DNAH1: variants seen among roughly 807,000 people sequenced by gnomAD.
The protein encoded by DNAH1 is dynein axonemal heavy chain 1, also known as axonemal beta dynein heavy chain 1.
DNAH1 carries 327 observed loss-of-function variants against 484.3 expected under a neutral mutation model. That is an observed-to-expected ratio of 0.68 (90% CI 0.62 to 0.74). The LOEUF is 0.74. Ranked by LOEUF, DNAH1 falls within the 30% of genes least tolerant of loss-of-function variation. The pLI is 0.00. For synonymous variants in DNAH1, 2,192 were observed against 2,191.9 expected (o/e 1.00, Z 0.00); for missense variants, 5,052 against 5,546.8 (o/e 0.91, Z 2.83).
rs376220542 is a variant in DNAH1, at chr3:52,330,865, A to G, written c.872-283A>G. On this transcript the variant is annotated intron_variant, in intron 6 of 77. Coordinates refer to ENST00000420323, the MANE Select transcript of DNAH1 (RefSeq NM_015512.5). ...TTCGTGCCACCTGTCCCAGCCTCCCATTGGCCTGTGTGTCTCTCTGCCCTG... is the reference window on the plus strand; with the variant it reads ...TTCGTGCCACCTGTCCCAGCCTCCCGTTGGCCTGTGTGTCTCTCTGCCCTG... Among the ~76,000 whole-genome samples, 11 of 152,258 alleles carry G rather than the reference A, an allele frequency of 7.2e-5. No individual in the cohort carries two copies. The East Asian group carries it at 9.7e-4, about 13-fold the overall frequency.
chr3:52,357,560 T>G, intron 22 of DNAH1, 54 bp from the exon 23 acceptor site: 1 of 1,570,416 alleles, frequency 6.4e-7, no homozygotes. Context: ...GAGCCTATCT[T>G]GCTACCTGGA....
At chr3:52,321,366 T>G (rs1460056811) in intron 1 of DNAH1, among the ~76,000 whole-genome samples, 5 of 152,230 alleles carry the variant, frequency 3.3e-5, no homozygotes, top group Non-Finnish European at 7.3e-5. Flanking sequence ...TCCACCCGCC[T>G]CGGCCTCCCA....
Position 52,323,914 on chromosome 3 carries a change from C to T in DNAH1, c.406+34C>T, listed in dbSNP as rs200708313. 2.8e-5 allele frequency: 43 copies of T among 1,515,350 alleles called. No homozygotes were observed. The African/African-American group carries it at 4.4e-4, about 16-fold the overall frequency. 93.9% of individuals were successfully genotyped at this position (1,515,350 alleles called of 1,614,324 possible). On this transcript the variant is annotated intron_variant, in intron 3 of 77. Transcript: ENST00000420323. ...TCAGGAGGGCTGTGTGAGTGGGTCC[C>T]GGTAGGTATTTCAAAGCAGGCTTTT...
At chr3:52,374,474 A>T in intron 44 of DNAH1, 1 of 1,400,886 alleles carries the variant, frequency 7.1e-7, no homozygotes, top group Non-Finnish European at 1.0e-6. Context: ...TAATGTTCTT[A>T]AACAAATTAG....
chr3:52,316,865 T>C (rs1030989809), intron 1 of DNAH1, among the ~76,000 whole-genome samples: 1 of 152,220 alleles, frequency 6.6e-6, no homozygotes, highest in African/African-American at 2.4e-5. Context: ...TTTCCCCATC[T>C]GTGAAATGGG....
In DNAH1 at chr3:52,368,715, C is replaced by T. The variant is rs1222439659; in HGVS notation, c.5766-26C>T. ...CGAAGCACCGCCTCCCTGATGTTTC[C>T]AGCCCTCTCCTCCCTGGCGCTGCAG... is the stretch of plus-strand genomic sequence containing the variant. On this transcript the variant is annotated intron_variant, in intron 36 of 77. Transcript: ENST00000420323. This position sits in a 1 kb window ranked among gnomAD's most constrained non-coding sequence, Gnocchi z 4.4. The T allele has an allele frequency of 1.3e-5, 21 of 1,602,844 alleles. No individual in the cohort carries two copies. In the East Asian group the frequency reaches 4.5e-4, roughly 34 times the overall value.
At position 52,383,380 on chromosome 3, in the gene DNAH1, C is replaced by G; in HGVS notation, c.7942-6C>G. The G allele has an allele frequency of 6.2e-7, 1 of 1,613,400 alleles. No homozygotes were observed. Among genetic ancestry groups the G allele is most frequent in the Non-Finnish European group, 8.5e-7 (1 of 1,179,588 alleles). ...CTTAGCTCCCCACTCCTTCACCCCTCCCCAGATCAAGAACGAATCCTTCCT... is the reference window on the plus strand; with the variant it reads ...CTTAGCTCCCCACTCCTTCACCCCTGCCCAGATCAAGAACGAATCCTTCCT... On this transcript the variant is annotated splice_polypyrimidine_tract_variant and splice_region_variant and intron_variant, in intron 50 of 77. Coordinates refer to ENST00000420323, the MANE Select transcript of DNAH1 (RefSeq NM_015512.5).
chr3:52,357,590 C>T, intron 22 of DNAH1, 24 bp from the exon 23 acceptor site: 1 of 1,592,438 alleles, frequency 6.3e-7, no homozygotes, highest in Non-Finnish European at 8.6e-7. Context: ...CTGCCCATTT[C>T]TGTGCATGGC....
chr3:52,368,652 C>A lies in DNAH1; in HGVS notation c.5766-89C>A. On this transcript the variant is annotated intron_variant, in intron 36 of 77. Transcript: ENST00000420323. The surrounding 1 kb of genome is among the most constrained non-coding windows in gnomAD (Gnocchi z 4.4). ...AGATTGAAGGAAAGTAGAGCCCGCC[C>A]ACCCGGCGGCCAGGCTTCCCTGGGA... The A allele has an allele frequency of 7.2e-7, 1 of 1,393,342 alleles. No homozygotes were observed. The allele number at this position is 1,393,342 out of a possible 1,614,324, so 86.3% of individuals were successfully genotyped here.
Position 52,395,645 on chromosome 3 carries a change from A to C in DNAH1, c.11226A>C (p.Leu3742=). Residue 3742 remains leucine, a synonymous_variant, in exon 70 of 78, where the codon CTA becomes CTC. Coordinates refer to ENST00000420323, the MANE Select transcript of DNAH1 (RefSeq NM_015512.5). This position sits in a 1 kb window ranked among gnomAD's most constrained non-coding sequence, Gnocchi z 4.4. The part of the protein sequence containing the change: ...CHLAPSWMPA[L]ERLIEHINPD... ...TGGCACCAAGCTGGATGCCAGCCCT[A>C]GAACGCCTCATCGAGCACATCAACC... The C allele has an allele frequency of 6.2e-7, 1 of 1,613,872 alleles. No individual in the cohort carries two copies. The highest frequency in any genetic ancestry group is 8.5e-7 in the Non-Finnish European group (1 of 1,179,896).
chr3:52,364,655 G>T lies in DNAH1; in HGVS notation c.5262G>T (p.Gly1754=). The part of the protein sequence containing the change: ...QLSSQDHYDF[G]MRAVKTVISA... ...GGCGACAGGATCACTATGACTTCGGGATGAGAGCCGTGAAAACTGTGATCT... is the reference window on the plus strand; with the variant it reads ...GGCGACAGGATCACTATGACTTCGGTATGAGAGCCGTGAAAACTGTGATCT... The change falls in exon 33 of 78, where the codon GGG becomes GGT. Residue 1754 remains glycine (G), a synonymous_variant. Coordinates refer to ENST00000420323, the MANE Select transcript of DNAH1 (RefSeq NM_015512.5). This position sits in a 1 kb window ranked among gnomAD's most constrained non-coding sequence, Gnocchi z 4.2. 1 of 1,613,990 alleles carries T rather than the reference G, an allele frequency of 6.2e-7. No individual in the cohort carries two copies. Among genetic ancestry groups the T allele is most frequent in the Non-Finnish European group, 8.5e-7 (1 of 1,179,890 alleles).
At chr3:52,354,648 AAAG>A (rs1226244351) in intron 20 of DNAH1, among the ~76,000 whole-genome samples, 192 bp from the exon 21 acceptor site, 18 of 152,184 alleles carry the variant, frequency 1.2e-4, no homozygotes, top group African/African-American at 3.6e-4. Context: ...AAAAAAAAAA[AAAG>A]AGTGAATTGG....
At chr3:52,312,285 G>T (rs1173369406), upstream of DNAH1, among the ~76,000 whole-genome samples, 3 of 152,070 alleles carry the variant, frequency 2.0e-5, no homozygotes, top group Non-Finnish European at 4.4e-5. Context: ...GAGGGCTGAG[G>T]CCAGGTTGGG....
At chr3:52,321,107 T>C (rs1242298273) in intron 1 of DNAH1, among the ~76,000 whole-genome samples, 3 of 135,620 alleles carry the variant, frequency 2.2e-5, no homozygotes, top group Non-Finnish European at 4.6e-5. Context: ...GCCATTTCTT[T>C]CTTTTTTCTT....
rs1290501284 is a variant in DNAH1, at chr3:52,391,599, C to T, written c.10048C>T (p.Pro3350Ser). The T allele has an allele frequency of 2.5e-6, 4 of 1,613,640 alleles. No individual in the cohort carries two copies. Among genetic ancestry groups the T allele is most frequent in the East Asian group, 2.2e-5 (1 of 44,888 alleles). Residue 3350 changes from proline to serine, a missense_variant, in exon 63 of 78, where the codon CCC (proline) becomes TCC (serine). By Grantham distance (74) the Pro-to-Ser change is moderately conservative. Coordinates refer to ENST00000420323, the MANE Select transcript of DNAH1 (RefSeq NM_015512.5). ...KLTLINFTLSPSGLEDQLLGQ... is the reference protein window; with the variant it reads ...KLTLINFTLSSSGLEDQLLGQ... ...CACCCTCATCAACTTCACCCTGTCG[C>T]CCAGGTGAGCCCCCACTCTTGGGGA...
Position 52,379,759 on chromosome 3 carries a change from C to T in DNAH1, c.7378-146C>T, listed in dbSNP as rs1290482666. 3.4e-5 allele frequency: 24 copies of T among 713,240 alleles called. No individual in the cohort carries two copies. The highest frequency in any genetic ancestry group is 5.0e-5 in the Non-Finnish European group (22 of 439,120). 44.2% of individuals were successfully genotyped at this position (713,240 alleles called of 1,614,324 possible). A position where few individuals can be genotyped will look rare whatever the true frequency, so the allele number is the denominator to read the frequency against. ...AGCAGTTGCACTTGCCAGCAGCCCC[C>T]ACACACTGTCCCTGGGCCATGGTGG... On this transcript the variant is annotated intron_variant, in intron 47 of 77. Coordinates refer to ENST00000420323, the MANE Select transcript of DNAH1 (RefSeq NM_015512.5). This position sits in a 1 kb window ranked among gnomAD's most constrained non-coding sequence, Gnocchi z 4.4.
Position 52,353,230 on chromosome 3 carries a change from A to T in DNAH1, c.3155A>T (p.Gln1052Leu). ...NDPLSAIDAE[Q>L]LEKNVVEAFK... The stretch of plus-strand genomic sequence containing the variant: ...CCCCTCTCTGCCATCGATGCTGAGC[A>T]GCTGGAGAAGAACGTGGTTGAAGCC... The change falls in exon 19 of 78, where the codon CAG becomes CTG. Residue 1052 changes from glutamine to leucine, a missense_variant. Gln to Leu is a moderately radical substitution (Grantham distance 113). Around this residue, in one of 4 missense-constraint regions of DNAH1, gnomAD observed 2,929 missense variants for 3,409.4 expected, o/e 0.86. Transcript: ENST00000420323. This position sits in a 1 kb window ranked among gnomAD's most constrained non-coding sequence, Gnocchi z 5.0. The T allele has an allele frequency of 6.2e-7, 1 of 1,614,006 alleles. No individual in the cohort carries two copies. Among genetic ancestry groups the T allele is most frequent in the Admixed American group, 1.7e-5 (1 of 60,034 alleles).
chr3:52,359,412 G>C, intron 26 of DNAH1, 26 bp downstream of exon 26: 1 of 1,562,140 alleles, frequency 6.4e-7, no homozygotes, highest in Non-Finnish European at 8.7e-7. Flanking sequence ...ACCCCTGTCT[G>C]TCCCCCTCCA....
chr3:52,327,737 G>GA (rs1701401002), intron 5 of DNAH1, 145 bp from the exon 6 acceptor site: 1 of 875,050 alleles, frequency 1.1e-6, no homozygotes, highest in Non-Finnish European at 1.8e-6. Context: ...GCCCCCAGTG[G>GA]AGAGGGTCAG....
Sources: allele counts gnomAD v4.1 joint callset (sites outside exome capture counted in the v4.1 genomes callset), GRCh38; gene constraint gnomAD v4.1.1; regional missense constraint gnomAD v4.1.1; non-coding constraint Gnocchi (gnomAD v3.1); transcripts MANE v1.5; gene names NCBI Gene and HGNC (gene_info 2026-07-23, HGNC 2026-07-21).